PPL: variants seen among roughly 807,000 people sequenced by gnomAD.
PPL encodes the protein periplakin, also known as 190 kDa paraneoplastic pemphigus antigen.
A neutral mutation model predicts 194.4 loss-of-function variants in PPL; 198 were observed. The observed-to-expected ratio is 1.02, with a 90% CI of 0.91 to 1.15. The LOEUF is 1.15. Ranked by LOEUF, PPL falls within the 50% of genes most tolerant of loss-of-function variation. The pLI is 0.00. For synonymous variants in PPL, 1,220 were observed against 972.4 expected, an observed-to-expected ratio of 1.25 and a Z score of -4.74; for missense variants, 2,885 against 2,294.8, an observed-to-expected ratio of 1.26 and a Z score of -5.25.
intron 21 of PPL, among the ~76,000 whole-genome samples, chr16:4,886,868 C>G (rs1467971925): frequency 1.3e-5 from 2 of 152,230 alleles, no homozygotes; most frequent in African/African-American, 4.8e-5. Context: ...ATCCGCCTGC[C>G]TCGGCCTCCC....
In PPL at chr16:4,910,931, G is replaced by T. The variant is rs747875099; in HGVS notation, c.81C>A (p.Leu27=). Residue 27 remains leucine (L), a synonymous_variant, in exon 2 of 22, where the codon CTC becomes CTA. Transcript: ENST00000345988. ...VQTRSISNKE[L]SELIEQLQKN... ...TCTGCAGCTGCTCGATCAGCTCCGA[G>T]AGCTCCTTGTTAGAGATGCTGCGGG... 6.2e-7 allele frequency: 1 copy of T among 1,613,000 alleles called. No homozygotes were observed. Among genetic ancestry groups the T allele is most frequent in the South Asian group, 1.1e-5 (1 of 91,064 alleles).
At position 4,885,160 on chromosome 16, in the gene PPL, G is replaced by A. The variant is rs148525665; in HGVS notation, c.3495C>T (p.Asn1165=). 6.6e-5 allele frequency: 107 copies of A among 1,613,934 alleles called. No homozygotes were observed. The highest frequency in any genetic ancestry group is 1.6e-4 in the Middle Eastern group (1 of 6,084). Residue 1165 remains asparagine, a synonymous_variant, in exon 22 of 22, where the codon AAC becomes AAT. Transcript: ENST00000345988. This position sits in a 1 kb window ranked among gnomAD's most constrained non-coding sequence, Gnocchi z 6.3. ...CCTTCTCCTGCACCACCACTTTGGC[G>A]TTCTCCTCCTCCAAGGCCCATATCT... is the stretch of plus-strand genomic sequence containing the variant. ...LRKIWALEEE[N]AKVVVQEKVR... is the part of the protein sequence containing the mutation.
intron 7 of PPL, 49 bp from the exon 8 acceptor site, chr16:4,899,169 C>T (rs775728895): frequency 2.5e-5 from 41 of 1,613,512 alleles, no homozygotes; most frequent in Admixed American, 2.3e-4. Flanking sequence ...CTGGCGGTCC[C>T]GTGCTCCTTC....
intron 1 of PPL, among the ~76,000 whole-genome samples, chr16:4,913,548 TG>T (rs577604161): frequency 1.3e-5 from 2 of 152,200 alleles, no homozygotes; most frequent in Non-Finnish European, 2.9e-5. Context: ...TCTGCCTCTG[TG>T]GTTTTGAGAC....
At chr16:4,904,177 T>C (rs1296522970) in intron 2 of PPL, 137 bp from the exon 3 acceptor site, 5 of 914,870 alleles carry the variant, frequency 5.5e-6, no homozygotes, top group South Asian at 3.3e-5. Flanking sequence ...GGCTTGTCCA[T>C]ATGGAGCGCA....
At chr16:4,914,345 A>G (rs2088877832) in intron 1 of PPL, among the ~76,000 whole-genome samples, 1 of 152,118 alleles carries the variant, frequency 6.6e-6, no homozygotes, top group Non-Finnish European at 1.5e-5. Context: ...CTGTATTATT[A>G]TTACTATTTT....
intron 1 of PPL, among the ~76,000 whole-genome samples, chr16:4,930,774 C>G (rs983100311): frequency 2.6e-5 from 4 of 152,156 alleles, no homozygotes; most frequent in Non-Finnish European, 4.4e-5. Context: ...GAGGGGCATT[C>G]TGGGCAACAG....
chr16:4,935,298 A>AGGAGGGAGGCTGGGAGGAGGCAGAGGGC (rs2089282227), intron 1 of PPL, among the ~76,000 whole-genome samples: 1 of 152,090 alleles, frequency 6.6e-6, no homozygotes, highest in Non-Finnish European at 1.5e-5. Flanking sequence ...AGCTGCACGA[A>AGGAGGGAGGCTGGGAGGAGGCAGAGGGC]GGAGGGAGGC....
intron 1 of PPL, among the ~76,000 whole-genome samples, chr16:4,920,319 AAAAG>A (rs879640822): frequency 1.3e-4 from 9 of 70,318 alleles, no homozygotes; most frequent in African/African-American, 4.0e-4. Context: ...AGAAGGAAAG[AAAAG>A]AAAGAAAGAA....
chr16:4,887,916 T>C (rs141703843), intron 20 of PPL, among the ~76,000 whole-genome samples, 186 bp downstream of exon 20: 11 of 152,330 alleles, frequency 7.2e-5, no homozygotes, highest in African/African-American at 2.6e-4. Context: ...TCTAGGCATA[T>C]TGATGTCACT....
chr16:4,921,627 C>T (rs146013534), intron 1 of PPL, among the ~76,000 whole-genome samples: 2,239 of 152,218 alleles, frequency 0.015, 60 homozygotes, highest in African/African-American at 0.05. Context: ...CCACCACGCC[C>T]GGCTAATGTT....
intron 1 of PPL, among the ~76,000 whole-genome samples, chr16:4,933,873 G>C (rs1232646005): frequency 2.0e-5 from 3 of 152,238 alleles, no homozygotes; most frequent in African/African-American, 7.2e-5. Flanking sequence ...GTACACCACA[G>C]CTAGCTTGCC....
intron 2 of PPL, among the ~76,000 whole-genome samples, chr16:4,907,568 G>A (rs965345406): frequency 6.6e-5 from 10 of 152,108 alleles, no homozygotes; most frequent in African/African-American, 2.2e-4. Flanking sequence ...GAGGTGGGGA[G>A]TAACTGTTAA....
At chr16:4,920,577 C>G (rs2089030312) in intron 1 of PPL, among the ~76,000 whole-genome samples, 1 of 152,094 alleles carries the variant, frequency 6.6e-6, no homozygotes, top group South Asian at 2.1e-4. Context: ...ATTCTACTGC[C>G]TCAGCCTCCC....
intron 9 of PPL, 67 bp downstream of exon 9, chr16:4,897,608 T>G: frequency 7.8e-7 from 1 of 1,278,788 alleles, no homozygotes; most frequent in Non-Finnish European, 1.1e-6. Flanking sequence ...ATGAGCCAGG[T>G]AGGCACTGAG....
intron 1 of PPL, among the ~76,000 whole-genome samples, chr16:4,931,384 C>T (rs2089223183): frequency 6.6e-6 from 1 of 151,922 alleles, no homozygotes; most frequent in Non-Finnish European, 1.5e-5. Context: ...AGAAAGAACA[C>T]TTAAAAAAAA....
Position 4,902,484 on chromosome 16 carries a change from T to C in PPL, c.360A>G (p.Lys120=). 6.2e-7 allele frequency: 1 copy of C among 1,613,912 alleles called. No homozygotes were observed. The highest frequency in any genetic ancestry group is 8.5e-7 in the Non-Finnish European group (1 of 1,179,916). The part of the protein sequence containing the change: ...LKERVTNLRG[K]HKQIYRLAVK... ...CCGCCAGCCTGTAGATCTGCTTGTG[T>C]TTCCCGCGCAGGTTGGTCACACGCT... The change falls in exon 4 of 22, where the codon AAA becomes AAG. Residue 120 remains lysine (K), a synonymous_variant. Coordinates refer to ENST00000345988, the MANE Select transcript of PPL (RefSeq NM_002705.5). The surrounding 1 kb of genome is among the most constrained non-coding windows in gnomAD (Gnocchi z 4.0).
At chr16:4,893,830 C>G (rs1432137961) in intron 12 of PPL, 192 bp from the exon 13 acceptor site, 4 of 579,796 alleles carry the variant, frequency 6.9e-6, no homozygotes, top group Non-Finnish European at 1.2e-5. Context: ...CCCTCCTTCC[C>G]TCCTCTTTCG....
chr16:4,912,486 A>G (rs1280945083), intron 1 of PPL, among the ~76,000 whole-genome samples: 1 of 152,266 alleles, frequency 6.6e-6, no homozygotes, highest in African/African-American at 2.4e-5. Flanking sequence ...CCTTTGGGCC[A>G]TCGTGAGAAT....
Sources: allele counts gnomAD v4.1 joint callset (sites outside exome capture counted in the v4.1 genomes callset), GRCh38; gene constraint gnomAD v4.1.1; non-coding constraint Gnocchi (gnomAD v3.1); transcripts MANE v1.5; gene names NCBI Gene and HGNC (gene_info 2026-07-23, HGNC 2026-07-21).